AHI1: variants seen among roughly 807,000 people sequenced by gnomAD.
The protein encoded by AHI1 is jouberin.
A neutral mutation model predicts 149.3 loss-of-function variants in AHI1; 123 were observed. That is an observed-to-expected ratio of 0.82 (90% CI 0.71 to 0.96). The LOEUF (loss-of-function observed/expected upper bound fraction) is 0.96, where lower values mean the gene tolerates loss of function less well. Ranked by LOEUF, AHI1 falls within the 40% of genes least tolerant of loss-of-function variation. The pLI is 0.00. For synonymous variants in AHI1, 475 were observed against 459.8 expected (o/e 1.03, Z -0.42); for missense variants, 1,439 against 1,422.7 (o/e 1.01, Z -0.18).
chr6:135,364,409 T>G (rs1794558318), intron 23 of AHI1, among the ~76,000 whole-genome samples: 5 of 131,948 alleles, frequency 3.8e-5, no homozygotes, highest in African/African-American at 9.0e-5. Flanking sequence ...CTTTCCAGAC[T>G]GGGCAGCCAG....
chr6:135,393,640 G>A (rs1418157701), intron 23 of AHI1, among the ~76,000 whole-genome samples: 3 of 152,048 alleles, frequency 2.0e-5, no homozygotes, highest in African/African-American at 7.2e-5. Flanking sequence ...ACATTTCTAA[G>A]GTTTGAGATA....
At chr6:135,458,891 G>A (rs917063298) in intron 8 of AHI1, among the ~76,000 whole-genome samples, 28 of 152,254 alleles carry the variant, frequency 1.8e-4, no homozygotes, top group African/African-American at 5.3e-4. Context: ...AAAGAAGGGC[G>A]CTGCATTATG....
intron 23 of AHI1, among the ~76,000 whole-genome samples, chr6:135,373,539 A>G (rs1269491332): frequency 6.6e-6 from 1 of 152,200 alleles, no homozygotes; most frequent in Non-Finnish European, 1.5e-5. Context: ...AAGATAATAA[A>G]AGAAATTTTA....
intron 23 of AHI1, among the ~76,000 whole-genome samples, chr6:135,384,666 C>T (rs569515956): frequency 6.6e-6 from 1 of 152,252 alleles, no homozygotes; most frequent in South Asian, 2.1e-4. Context: ...GTGTTATTTG[C>T]ATTCAGTTTT....
At position 135,294,248 on chromosome 6, in the gene AHI1, C is replaced by A. The variant is rs183952922; in HGVS notation, c.3486-3723G>T. Among the ~76,000 whole-genome samples the A allele has an allele frequency of 2.2e-3, 339 of 152,246 alleles. 2 individuals are homozygous for A. Among genetic ancestry groups the A allele is most frequent in the African/African-American group, 7.4e-3 (307 of 41,552 alleles). ...GGCTGAGGCAGGAGAATCACCTGAA[C>A]CCGGGAGGCGGAGGTTGTAGTGAGC... On this transcript the variant is annotated intron_variant, in intron 27 of 28. Transcript: ENST00000265602.
intron 23 of AHI1, among the ~76,000 whole-genome samples, chr6:135,388,801 C>T (rs1225369819): frequency 6.7e-6 from 1 of 150,334 alleles, no homozygotes; most frequent in Non-Finnish European, 1.5e-5. Flanking sequence ...CACTTGAGGT[C>T]AGGAGTTCAA....
At position 135,467,642 on chromosome 6, in the gene AHI1, G is replaced by A. The variant is rs370834009; in HGVS notation, c.136-8C>T. ...GCTTCTAATAGTGTCAGGCTAAAAA[G>A]GAAGACATAATAAAGTTTCAGCTAA... is the stretch of plus-strand genomic sequence containing the variant. On this transcript the variant is annotated splice_region_variant and splice_polypyrimidine_tract_variant and intron_variant, in intron 5 of 28. Coordinates refer to ENST00000265602, the MANE Select transcript of AHI1 (RefSeq NM_001134831.2). The A allele has an allele frequency of 3.5e-5, 55 of 1,591,734 alleles. No homozygotes were observed. In the African/African-American group the frequency reaches 7.3e-4, roughly 21 times the overall value.
intron 23 of AHI1, among the ~76,000 whole-genome samples, chr6:135,362,542 G>T (rs1794066829): frequency 2.0e-5 from 3 of 152,082 alleles, no homozygotes; most frequent in Non-Finnish European, 4.4e-5. Flanking sequence ...ATTATTTTTT[G>T]ATTATGGCCA....
chr6:135,486,954 C>T (rs1794564138), intron 5 of AHI1, among the ~76,000 whole-genome samples: 1 of 151,896 alleles, frequency 6.6e-6, no homozygotes, highest in South Asian at 2.1e-4. Flanking sequence ...TTTTGAGAGA[C>T]AGGATCTTAT....
At chr6:135,486,677 A>C (rs1794525124) in intron 5 of AHI1, among the ~76,000 whole-genome samples, 2 of 152,156 alleles carry the variant, frequency 1.3e-5, no homozygotes, top group Non-Finnish European at 2.9e-5. Context: ...ACAACTGTCT[A>C]TATTTTTGCA....
chr6:135,411,489 A>G lies in AHI1; in HGVS notation c.2820T>C (p.Pro940=). Reference sequence around the variant, plus strand: ...GGGCATCTTGACTTTGGTGTATTCCAGGTAATGGAAATGTTCCATTGTAGC... The same window carrying G: ...GGGCATCTTGACTTTGGTGTATTCCGGGTAATGGAAATGTTCCATTGTAGC... ...FKRYNGTFPL[P]GIHQSQDALC... Residue 940 remains proline (P), a synonymous_variant, in exon 21 of 29, where the codon CCT becomes CCC. Transcript: ENST00000265602. 1 of 1,611,536 alleles carries G rather than the reference A, an allele frequency of 6.2e-7. No individual in the cohort carries two copies. Among genetic ancestry groups the G allele is most frequent in the Non-Finnish European group, 8.5e-7 (1 of 1,178,704 alleles).
intron 5 of AHI1, among the ~76,000 whole-genome samples, chr6:135,485,286 G>A (rs1048839286): frequency 2.0e-5 from 3 of 152,092 alleles, no homozygotes; most frequent in Non-Finnish European, 4.4e-5. Flanking sequence ...TGTTGGCCAG[G>A]CTGGTCTTGA....
chr6:135,467,670 G>A (rs770167197), intron 5 of AHI1, 36 bp from the exon 6 acceptor site: 6 of 1,446,916 alleles, frequency 4.1e-6, no homozygotes, highest in South Asian at 2.4e-5. Flanking sequence ...TCAGCTAAGC[G>A]TAGATTAGTT....
At chr6:135,320,382 C>T (rs1786630916) in intron 25 of AHI1, among the ~76,000 whole-genome samples, 2 of 152,206 alleles carry the variant, frequency 1.3e-5, no homozygotes, top group African/African-American at 4.8e-5. Flanking sequence ...TAGCCATCAA[C>T]TCATCACTGC....
chr6:135,293,392 CAA>C (rs1175955601), intron 27 of AHI1, among the ~76,000 whole-genome samples: 2 of 20,142 alleles, frequency 9.9e-5, no homozygotes, highest in Non-Finnish European at 1.9e-4. Flanking sequence ...GTTAACAGGG[CAA>C]AAAAAAAAAA....
chr6:135,341,359 G>A (rs920283393), intron 24 of AHI1, among the ~76,000 whole-genome samples: 1 of 152,002 alleles, frequency 6.6e-6, no homozygotes, highest in South Asian at 2.1e-4. Context: ...TAGAGACAAA[G>A]AAGGACATTG....
At chr6:135,295,625 A>G (rs768837675) in intron 27 of AHI1, among the ~76,000 whole-genome samples, 4 of 152,222 alleles carry the variant, frequency 2.6e-5, no homozygotes, top group South Asian at 2.1e-4. Flanking sequence ...CCATCCACAA[A>G]GGTACATGAA....
intron 23 of AHI1, among the ~76,000 whole-genome samples, chr6:135,391,299 T>C (rs768781693): frequency 9.9e-5 from 15 of 152,192 alleles, no homozygotes; most frequent in Non-Finnish European, 2.2e-4. Context: ...ACCAGGTTCA[T>C]GGAAGACAAT....
intron 24 of AHI1, among the ~76,000 whole-genome samples, chr6:135,352,583 C>T (rs905139552): frequency 3.9e-5 from 6 of 152,162 alleles, no homozygotes; most frequent in South Asian, 4.2e-4. Flanking sequence ...GCCTCAGTAA[C>T]ATGACATCCC....
Sources: gnomAD v4.1 joint callset for allele counts (sites outside exome capture counted in the v4.1 genomes callset) on GRCh38, gnomAD v4.1.1 for gene constraint, MANE v1.5 for transcripts, NCBI Gene and HGNC (gene_info 2026-07-23, HGNC 2026-07-21) for gene names.